MAP1LC3B: variants seen among roughly 807,000 people sequenced by gnomAD.
MAP1LC3B encodes microtubule associated protein 1 light chain 3 beta.
In MAP1LC3B, 12 loss-of-function variants were observed where a neutral mutation model predicts 16.7. The ratio of observed to expected loss-of-function variants is 0.72; its 90% CI spans 0.46 to 1.16. MAP1LC3B has a LOEUF of 1.16. Among genes scored for constraint, MAP1LC3B ranks in the 50% most tolerant of loss-of-function variants. The pLI is 0.00. For synonymous variants in MAP1LC3B, 63 were observed against 56.5 expected, an observed-to-expected ratio of 1.11 and a Z score of -0.51; for missense variants, 155 against 159.5, an observed-to-expected ratio of 0.97 and a Z score of 0.15.
intron 1 of MAP1LC3B, among the ~76,000 whole-genome samples, chr16:87,393,891 A>G (rs1907704447): frequency 6.6e-6 from 1 of 152,212 alleles, no homozygotes; most frequent in East Asian, 1.9e-4. Context: ...ACCAATGAAA[A>G]GTTAACTGGG....
intron 1 of MAP1LC3B, among the ~76,000 whole-genome samples, chr16:87,394,733 A>G (rs868664176): frequency 6.6e-6 from 1 of 152,206 alleles, no homozygotes. Flanking sequence ...GTCAGGAGAC[A>G]TAGTGTGTCC....
At chr16:87,400,726 T>G (rs545378697) in intron 2 of MAP1LC3B, among the ~76,000 whole-genome samples, 1 of 151,006 alleles carries the variant, frequency 6.6e-6, no homozygotes, top group Admixed American at 6.6e-5. Context: ...TTTTAATGGA[T>G]GAAAGGTTTT....
intron 1 of MAP1LC3B, among the ~76,000 whole-genome samples, chr16:87,397,768 A>C (rs1294469645): frequency 2.0e-5 from 3 of 152,060 alleles, no homozygotes; most frequent in Non-Finnish European, 4.4e-5. Flanking sequence ...CGTGAGAATC[A>C]ATCCTACCAT....
chr16:87,394,849 C>G (rs1907743863), intron 1 of MAP1LC3B, among the ~76,000 whole-genome samples: 1 of 148,952 alleles, frequency 6.7e-6, no homozygotes, highest in African/African-American at 2.5e-5. Flanking sequence ...AAGGCAGGAT[C>G]GCTTGAGTTT....
intron 2 of MAP1LC3B, chr16:87,399,684 C>T (rs1250978410): frequency 2.3e-6 from 1 of 443,054 alleles, no homozygotes; most frequent in Non-Finnish European, 4.5e-6. Flanking sequence ...CATCTGTGGT[C>T]AGGTATTATA....
chr16:87,395,502 C>T (rs1907767247), intron 1 of MAP1LC3B, among the ~76,000 whole-genome samples: 1 of 152,168 alleles, frequency 6.6e-6, no homozygotes, highest in Non-Finnish European at 1.5e-5. Context: ...ATTGACTGTG[C>T]TGTTGATAAT....
intron 1 of MAP1LC3B, chr16:87,392,924 G>A (rs1220657676): frequency 6.6e-6 from 1 of 152,206 alleles, no homozygotes; most frequent in Non-Finnish European, 1.5e-5. Context: ...GGGCTGCGCC[G>A]GGACCCAGCG....
At chr16:87,396,682 C>G (rs1451593139) in intron 1 of MAP1LC3B, 2 of 152,074 alleles carry the variant, frequency 1.3e-5, no homozygotes, top group East Asian at 3.9e-4. Flanking sequence ...TGGGGTAGGA[C>G]AGGCATAGGA....
At chr16:87,400,436 C>T (rs1907952200) in intron 2 of MAP1LC3B, 1 of 152,034 alleles carries the variant, frequency 6.6e-6, no homozygotes, top group Non-Finnish European at 1.5e-5. Flanking sequence ...GCCTTGGCCT[C>T]CCAAAATGCT....
chr16:87,395,852 CTTTTTTTTTTTTTTT>C (rs72388667), intron 1 of MAP1LC3B, among the ~76,000 whole-genome samples: 3 of 53,836 alleles, frequency 5.6e-5, no homozygotes, highest in Admixed American at 5.8e-4. Flanking sequence ...TCCTTCTTTC[CTTTTTTTTTTTTTTT>C]TTTTTTTTTT....
chr16:87,403,969 TAACA>T lies in MAP1LC3B; in HGVS notation c.*873_*876del, dbSNP rs1654034097. 6.6e-6 allele frequency: 1 copy of T among 152,136 alleles called. No homozygotes were observed. Among genetic ancestry groups the T allele is most frequent in the African/African-American group, 2.4e-5 (1 of 41,422 alleles). 9.4% of individuals were successfully genotyped at this position (152,136 alleles called of 1,614,324 possible). On this transcript the variant is annotated 3_prime_UTR_variant, in exon 4 of 4. Coordinates refer to ENST00000268607, the MANE Select transcript of MAP1LC3B (RefSeq NM_022818.5). Reference sequence around the variant, plus strand: ...CACAAAATAGTATAACTGAAAACATTAACATTCAGACACACTCCCTTCTGCCTTC... The same window carrying T: ...CACAAAATAGTATAACTGAAAACATTTTCAGACACACTCCCTTCTGCCTTC...
chr16:87,400,210 C>G (rs1907943098), intron 2 of MAP1LC3B: 1 of 144,514 alleles, frequency 6.9e-6, no homozygotes, highest in South Asian at 2.1e-4. Flanking sequence ...TGCAGTCTCG[C>G]TCTGTCACCC....
At chr16:87,399,808 G>A in intron 2 of MAP1LC3B, 1 of 296,656 alleles carries the variant, frequency 3.4e-6, no homozygotes, top group Non-Finnish European at 6.7e-6. Flanking sequence ...GAGTCTTGCT[G>A]TGTCGCCCAG....
rs1309914497 is a variant in MAP1LC3B, at chr16:87,404,487, C to G, written c.*1390C>G. 6.6e-6 allele frequency: 1 copy of G among 152,108 alleles called. No homozygotes were observed. The highest frequency in any genetic ancestry group is 1.5e-5 in the Non-Finnish European group (1 of 68,046). 9.4% of individuals were successfully genotyped at this position (152,108 alleles called of 1,614,324 possible). On this transcript the variant is annotated 3_prime_UTR_variant, in exon 4 of 4. Transcript: ENST00000268607. ...TAAAGGAGTTCCTGTCACCTGCTCC[C>G]CCCACCCCCGCATGCGTCTGTCCAC...
chr16:87,394,400 A>T (rs1285466500), intron 1 of MAP1LC3B, among the ~76,000 whole-genome samples: 1 of 152,214 alleles, frequency 6.6e-6, no homozygotes, highest in Non-Finnish European at 1.5e-5. Context: ...GAACCTCTTT[A>T]TGGAGCCTAA....
At chr16:87,398,918 G>A (rs1419178155) in intron 2 of MAP1LC3B, 48 bp downstream of exon 2, 1 of 1,527,124 alleles carries the variant, frequency 6.5e-7, no homozygotes, top group Non-Finnish European at 9.1e-7. Context: ...ACGCAGAGGA[G>A]AGCACCGCAT....
At position 87,404,725 on chromosome 16, in the gene MAP1LC3B, A is replaced by C. The variant is rs1459535315; in HGVS notation, c.*1628A>C. On this transcript the variant is annotated 3_prime_UTR_variant, in exon 4 of 4. Coordinates refer to ENST00000268607, the MANE Select transcript of MAP1LC3B (RefSeq NM_022818.5). Reference sequence around the variant, plus strand: ...GGTCACTTTATTTATAGGATCTTTAAAACATTTTTAATGAACTAAGTTGAA... The same window carrying C: ...GGTCACTTTATTTATAGGATCTTTACAACATTTTTAATGAACTAAGTTGAA... 6.6e-6 allele frequency: 1 copy of C among 152,248 alleles called. No homozygotes were observed. Among genetic ancestry groups the C allele is most frequent in the African/African-American group, 2.4e-5 (1 of 41,468 alleles). The allele number at this position is 152,248 out of a possible 1,614,324, so 9.4% of individuals were successfully genotyped here.
chr16:87,402,878 C>T, intron 3 of MAP1LC3B, 45 bp from the exon 4 acceptor site: 1 of 1,608,994 alleles, frequency 6.2e-7, no homozygotes, highest in Non-Finnish European at 8.5e-7. Flanking sequence ...CTTCATCCTT[C>T]TTGTATTGTT....
At chr16:87,402,772 G>A (rs1312498051) in intron 3 of MAP1LC3B, 151 bp from the exon 4 acceptor site, 4 of 923,926 alleles carry the variant, frequency 4.3e-6, no homozygotes, top group Non-Finnish European at 6.4e-6. Context: ...TATAATCAAA[G>A]GAAGTGTCCT....
Sources: allele counts gnomAD v4.1 joint callset (sites outside exome capture counted in the v4.1 genomes callset), GRCh38; gene constraint gnomAD v4.1.1; transcripts MANE v1.5; gene names NCBI Gene and HGNC (gene_info 2026-07-23, HGNC 2026-07-21).